Variants in RERE observed in about 807,000 individuals in gnomAD.
The protein encoded by RERE is arginine-glutamic acid dipeptide repeats protein.
In RERE, 40 loss-of-function variants were observed where a neutral mutation model predicts 146.1. That is an observed-to-expected ratio of 0.27 (90% CI 0.21 to 0.36). The LOEUF (loss-of-function observed/expected upper bound fraction) is 0.36. Ranked by LOEUF, RERE falls within the 10% of genes least tolerant of loss-of-function variation. RERE has a pLI of 1.00. For synonymous variants in RERE, 1,003 were observed against 866.0 expected (o/e 1.16, Z -2.78); for missense variants, 1,933 against 2,138.7 (o/e 0.90, Z 1.90).
chr1:8,365,858 C>T lies in RERE; in HGVS notation c.1401G>A (p.Ala467=), dbSNP rs144935155. ...TGGAGGGTGTGTTGACGGGTGTGGA[C>T]GCGGTGCGAGTCTTAATCCTCCTGA... ...AVFRRIKTRT[A]STPVNTPSRP... is the part of the protein sequence containing the mutation. Residue 467 remains alanine (A), a synonymous_variant, in exon 13 of 23, where the codon GCG becomes GCA. Coordinates refer to ENST00000400908, the MANE Select transcript of RERE (RefSeq NM_001042681.2). The T allele has an allele frequency of 1.8e-4, 292 of 1,614,080 alleles. 3 individuals carry two copies. The Admixed American group carries it at 1.9e-3, about 10-fold the overall frequency.
At chr1:8,525,533 C>A (rs1029320720) in intron 7 of RERE, among the ~76,000 whole-genome samples, 22 of 152,232 alleles carry the variant, frequency 1.4e-4, no homozygotes, top group African/African-American at 5.1e-4. Flanking sequence ...CAGAGGGACC[C>A]GCAAAGCTTC....
chr1:8,772,064 C>T (rs1381651958), intron 1 of RERE, among the ~76,000 whole-genome samples: 1 of 151,846 alleles, frequency 6.6e-6, no homozygotes, highest in Non-Finnish European at 1.5e-5. Flanking sequence ...TATCTATATA[C>T]CCAATTTTGT....
At chr1:8,427,811 G>A (rs996626211) in intron 11 of RERE, among the ~76,000 whole-genome samples, 8 of 152,020 alleles carry the variant, frequency 5.3e-5, no homozygotes, top group African/African-American at 1.9e-4. Flanking sequence ...AAACAAAGAC[G>A]ACCACTCACA....
rs796227408 is a variant in RERE, at chr1:8,793,319, A to G, written c.-145+23841T>C. 5.3e-5 allele frequency among the ~76,000 whole-genome samples: 8 copies of G among 152,248 alleles called. 1 individual carries two copies. Among genetic ancestry groups the G allele is most frequent in the African/African-American group, 1.7e-4 (7 of 41,560 alleles). On this transcript the variant is annotated intron_variant, in intron 1 of 22. Coordinates refer to ENST00000400908, the MANE Select transcript of RERE (RefSeq NM_001042681.2). ...AAATTTCTAAGGCTCAGAAATCACT[A>G]CAATAAGCCTATCAACAGCATGTGA... is the stretch of plus-strand genomic sequence containing the variant.
intron 12 of RERE, among the ~76,000 whole-genome samples, chr1:8,412,624 C>T (rs1336700631): frequency 1.3e-5 from 2 of 152,176 alleles, no homozygotes; most frequent in African/African-American, 2.4e-5. Flanking sequence ...TCTTGACTGG[C>T]TCAATAAACC....
chr1:8,750,904 T>C (rs549902748), intron 1 of RERE: 22 of 837,304 alleles, frequency 2.6e-5, no homozygotes, highest in Middle Eastern at 3.0e-4. Flanking sequence ...AGCATAGTTA[T>C]GGCAAAATCA....
chr1:8,481,619 A>T (rs1234605094), intron 10 of RERE, among the ~76,000 whole-genome samples: 5 of 152,222 alleles, frequency 3.3e-5, no homozygotes, highest in African/African-American at 1.2e-4. Context: ...CTAGCATATA[A>T]ATACTCAAAC....
Position 8,423,638 on chromosome 1 carries a change from G to C in RERE, c.1204-831C>G. The C allele has an allele frequency of 1.0e-6, 1 of 984,984 alleles. No homozygotes were observed. The highest frequency in any genetic ancestry group is 1.2e-6 in the Non-Finnish European group (1 of 829,812). 61.0% of individuals were successfully genotyped at this position (984,984 alleles called of 1,614,324 possible). On this transcript the variant is annotated intron_variant, in intron 11 of 22. Transcript: ENST00000400908. This position sits in a 1 kb window ranked among gnomAD's most constrained non-coding sequence, Gnocchi z 5.4. ...GCGCCCGGGGTCCGGGGCGGCAAGA[G>C]GCCGTCGCCTGTCACTGGGCTCCGG... is the stretch of plus-strand genomic sequence containing the variant.
intron 1 of RERE, among the ~76,000 whole-genome samples, chr1:8,776,020 G>C (rs1239470580): frequency 6.6e-6 from 1 of 152,102 alleles, no homozygotes; most frequent in East Asian, 1.9e-4. Flanking sequence ...CTAAACTTTT[G>C]CTTAACTGAG....
At chr1:8,408,326 G>T (rs1470405147) in intron 12 of RERE, among the ~76,000 whole-genome samples, 1 of 152,148 alleles carries the variant, frequency 6.6e-6, no homozygotes, top group Non-Finnish European at 1.5e-5. Flanking sequence ...CATCCCACAG[G>T]CTGGCCAAGA....
chr1:8,675,249 GTGC>G (rs1281031055), intron 1 of RERE, among the ~76,000 whole-genome samples: 1 of 152,076 alleles, frequency 6.6e-6, no homozygotes, highest in Non-Finnish European at 1.5e-5. Context: ...GTTATGATAT[GTGC>G]TGCTTTCTTC....
At chr1:8,575,792 C>T (rs1345547800) in intron 4 of RERE, among the ~76,000 whole-genome samples, 3 of 151,866 alleles carry the variant, frequency 2.0e-5, no homozygotes, top group African/African-American at 7.3e-5. Flanking sequence ...TTGTGCCCTA[C>T]TTGGCAGGGT....
chr1:8,642,584 A>C (rs371388926), intron 2 of RERE, among the ~76,000 whole-genome samples: 7 of 152,332 alleles, frequency 4.6e-5, no homozygotes, highest in South Asian at 2.1e-4. Flanking sequence ...TAAATGTTGA[A>C]GATATTAACG....
intron 1 of RERE, among the ~76,000 whole-genome samples, chr1:8,687,018 G>C (rs1262191145): frequency 6.6e-6 from 1 of 152,162 alleles, no homozygotes; most frequent in East Asian, 1.9e-4. Flanking sequence ...TGGAGATCTG[G>C]GTACAGAAAA....
In RERE at chr1:8,364,278, G is replaced by C; in HGVS notation, c.1541-23C>G. 2 of 1,608,306 alleles carry C rather than the reference G, an allele frequency of 1.2e-6. No individual in the cohort carries two copies. Among genetic ancestry groups the C allele is most frequent in the South Asian group, 2.2e-5 (2 of 90,972 alleles). ...AGGCTGTGTGAGGGAAGTGGTGGGG[G>C]CCAACCTTGGAAACCATCCCTCTCC... On this transcript the variant is annotated intron_variant, in intron 14 of 22. Transcript: ENST00000400908. This position sits in a 1 kb window ranked among gnomAD's most constrained non-coding sequence, Gnocchi z 5.1.
chr1:8,493,314 A>T (rs899670921), intron 10 of RERE, among the ~76,000 whole-genome samples: 2 of 152,196 alleles, frequency 1.3e-5, no homozygotes, highest in Non-Finnish European at 2.9e-5. Context: ...AAGATTTTGT[A>T]TTTAAAACTA....
chr1:8,420,905 G>A (rs1643901360), intron 12 of RERE, among the ~76,000 whole-genome samples: 1 of 152,148 alleles, frequency 6.6e-6, no homozygotes, highest in Non-Finnish European at 1.5e-5. Context: ...TTTATTTACG[G>A]AGTCACACAT....
chr1:8,602,524 GAA>G (rs35403700), intron 4 of RERE, among the ~76,000 whole-genome samples: 8 of 147,380 alleles, frequency 5.4e-5, no homozygotes, highest in Non-Finnish European at 1.2e-4. Context: ...GAAAAAAAAA[GAA>G]AAAAAAAAAA....
chr1:8,403,314 C>CTA (rs1643326944), intron 12 of RERE, among the ~76,000 whole-genome samples: 1 of 152,224 alleles, frequency 6.6e-6, no homozygotes, highest in South Asian at 2.1e-4. Flanking sequence ...CACAGTAGCC[C>CTA]TTACATGTGT....
Sources: allele counts gnomAD v4.1 joint callset (sites outside exome capture counted in the v4.1 genomes callset), GRCh38; gene constraint gnomAD v4.1.1; non-coding constraint Gnocchi (gnomAD v3.1); transcripts MANE v1.5; gene names NCBI Gene and HGNC (gene_info 2026-07-23, HGNC 2026-07-21).